SND1: variants seen among roughly 807,000 people sequenced by gnomAD.
The protein encoded by SND1 is staphylococcal nuclease domain-containing protein 1.
A neutral mutation model predicts 121.7 loss-of-function variants in SND1; 38 were observed. The observed-to-expected ratio is 0.31, with a 90% CI of 0.24 to 0.41. The LOEUF is 0.41. Among genes scored for constraint, SND1 ranks in the 10% least tolerant of loss-of-function variants. The pLI is 1.00. For synonymous variants in SND1, 401 were observed against 447.4 expected (o/e 0.90, Z 1.31); for missense variants, 868 against 1,184.6 (o/e 0.73, Z 3.92).
At chr7:127,905,609 T>C (rs180876803) in intron 14 of SND1, among the ~76,000 whole-genome samples, 35 of 152,270 alleles carry the variant, frequency 2.3e-4, no homozygotes, top group Middle Eastern at 3.4e-3. Context: ...CGAAAACTAC[T>C]GTGAAGAGAA....
At chr7:127,911,687 A>C (rs747425782) in intron 14 of SND1, among the ~76,000 whole-genome samples, 6 of 152,120 alleles carry the variant, frequency 3.9e-5, no homozygotes, top group Admixed American at 1.3e-4. Context: ...TTTTTAGTAG[A>C]GACGGGGTTT....
At chr7:128,038,688 G>GT (rs538660678) in intron 16 of SND1, among the ~76,000 whole-genome samples, 1,540 of 146,106 alleles carry the variant, frequency 0.011, 16 homozygotes, top group South Asian at 0.049. Context: ...ACTGGGTTGG[G>GT]TTTTTTTTTT....
chr7:127,986,347 ACTC>A (rs887492840), intron 15 of SND1, among the ~76,000 whole-genome samples: 1 of 152,190 alleles, frequency 6.6e-6, no homozygotes, highest in African/African-American at 2.4e-5. Context: ...GGATATTTAT[ACTC>A]CATGAGTCAA....
In SND1 at chr7:127,686,554, C is replaced by T. The variant is rs1795815447; in HGVS notation, c.79-59C>T. On this transcript the variant is annotated intron_variant, in intron 1 of 23. Coordinates refer to ENST00000354725, the MANE Select transcript of SND1 (RefSeq NM_014390.4). ...TGTTGGGGATACGGTGGTACACAAC[C>T]TGCATTATGGTGATACGGCCTCTGG... 3.2e-6 allele frequency: 5 copies of T among 1,553,822 alleles called. No individual in the cohort carries two copies. In the Admixed American group the frequency reaches 8.8e-5, roughly 27 times the overall value.
At chr7:127,929,853 T>C (rs1440677516) in intron 15 of SND1, among the ~76,000 whole-genome samples, 1 of 152,188 alleles carries the variant, frequency 6.6e-6, no homozygotes, top group African/African-American at 2.4e-5. Flanking sequence ...ACATCGATAG[T>C]ATTTCTTGTT....
chr7:127,881,845 C>T (rs943108623), intron 12 of SND1, among the ~76,000 whole-genome samples: 1 of 152,148 alleles, frequency 6.6e-6, no homozygotes. Context: ...GTGACCATGG[C>T]TCACTGTAGC....
chr7:127,888,128 GT>G (rs1196023347), intron 13 of SND1, 116 bp downstream of exon 13: 5 of 601,986 alleles, frequency 8.3e-6, no homozygotes, highest in Non-Finnish European at 1.5e-5. Flanking sequence ...GAGAAAGCAT[GT>G]ATTATTATTC....
intron 15 of SND1, among the ~76,000 whole-genome samples, chr7:127,971,799 G>A (rs1801995711): frequency 6.8e-6 from 1 of 146,422 alleles, no homozygotes; most frequent in Non-Finnish European, 1.5e-5. Context: ...TTGATTCGGA[G>A]TCTCACTCTG....
intron 1 of SND1, among the ~76,000 whole-genome samples, chr7:127,671,397 G>T (rs960732616): frequency 1.3e-5 from 2 of 152,186 alleles, no homozygotes; most frequent in African/African-American, 4.8e-5. Context: ...CAAACACTGT[G>T]AATCTATTGA....
At chr7:127,988,163 C>T (rs1454618443) in intron 15 of SND1, among the ~76,000 whole-genome samples, 3 of 152,168 alleles carry the variant, frequency 2.0e-5, no homozygotes. Flanking sequence ...CGCCCATCTA[C>T]AGTATCTTCT....
At chr7:127,866,691 C>T (rs775063886) in intron 12 of SND1, among the ~76,000 whole-genome samples, 8 of 152,118 alleles carry the variant, frequency 5.3e-5, no homozygotes, top group Non-Finnish European at 1.2e-4. Flanking sequence ...TTTAATGGTG[C>T]TATTTCACTA....
At chr7:127,763,254 C>G (rs763370846) in intron 10 of SND1, among the ~76,000 whole-genome samples, 6 of 152,172 alleles carry the variant, frequency 3.9e-5, no homozygotes, top group Non-Finnish European at 8.8e-5. Context: ...TACTCGAGTT[C>G]TTTGCACTCA....
intron 8 of SND1, among the ~76,000 whole-genome samples, chr7:127,706,258 C>CCT (rs1554414078): frequency 1.4e-5 from 1 of 73,158 alleles, no homozygotes; most frequent in South Asian, 7.6e-4. Context: ...CCCCTCCCCC[C>CCT]CCCCACCTTT....
intron 9 of SND1, among the ~76,000 whole-genome samples, chr7:127,711,073 T>C (rs575484368): frequency 6.6e-6 from 1 of 152,334 alleles, no homozygotes; most frequent in East Asian, 1.9e-4. Context: ...ATTCATTCAG[T>C]CTGCTAACAG....
intron 1 of SND1, among the ~76,000 whole-genome samples, chr7:127,665,094 A>T (rs563243145): frequency 1.3e-5 from 2 of 151,972 alleles, no homozygotes; most frequent in African/African-American, 4.8e-5. Flanking sequence ...GTATTGGTTT[A>T]CCCAAAGTTT....
chr7:128,052,939 CA>C lies in SND1; in HGVS notation c.1780-21562del, dbSNP rs1793071545. ...CTGTATGGATAGTGCAAGTCTAGAA[CA>C]CACAAGAATTGGCATATGATTATCT... On this transcript the variant is annotated intron_variant, in intron 16 of 23. Coordinates refer to ENST00000354725, the MANE Select transcript of SND1 (RefSeq NM_014390.4). The surrounding 1 kb of genome is among the most constrained non-coding windows in gnomAD (Gnocchi z 4.6). Among the ~76,000 whole-genome samples, 1 of 152,228 alleles carries C rather than the reference CA, an allele frequency of 6.6e-6. No homozygotes were observed.
chr7:127,919,752 T>G (rs1800659303), intron 14 of SND1, among the ~76,000 whole-genome samples: 2 of 152,168 alleles, frequency 1.3e-5, no homozygotes, highest in Admixed American at 6.5e-5. Context: ...GAAAAGTAAC[T>G]CTAGAGTTGT....
At chr7:128,065,434 A>G (rs781264856) in intron 16 of SND1, among the ~76,000 whole-genome samples, 31 of 152,258 alleles carry the variant, frequency 2.0e-4, no homozygotes, top group Non-Finnish European at 4.3e-4. Flanking sequence ...GGTCTGTACC[A>G]TCCCACAGCA....
chr7:127,844,167 G>T (rs1214657264), intron 11 of SND1, among the ~76,000 whole-genome samples, 157 bp from the exon 12 acceptor site: 1 of 152,098 alleles, frequency 6.6e-6, no homozygotes, highest in African/African-American at 2.4e-5. Context: ...CTCCCAGTCT[G>T]TTGCTCAGCT....
Sources: allele counts gnomAD v4.1 joint callset (sites outside exome capture counted in the v4.1 genomes callset), GRCh38; gene constraint gnomAD v4.1.1; non-coding constraint Gnocchi (gnomAD v3.1); transcripts MANE v1.5; gene names NCBI Gene and HGNC (gene_info 2026-07-23, HGNC 2026-07-21).